The following ACSBG2 variants were observed in gnomAD, a reference collection of about 807,000 sequenced individuals.
ACSBG2 encodes long-chain-fatty-acid--CoA ligase ACSBG2.
Under a neutral mutation model 74.7 loss-of-function variants are expected in ACSBG2, and 62 were observed. The ratio of observed to expected loss-of-function variants is 0.83; its 90% confidence interval spans 0.68 to 1.03. ACSBG2 has a LOEUF of 1.03. Among genes scored for constraint, ACSBG2 ranks in the 50% least tolerant of loss-of-function variants. The probability of loss-of-function intolerance (pLI) is 0.00; values close to 1 mark genes in which losing one functional copy is unlikely to be tolerated. For missense variants in ACSBG2, 730 were observed against 817.6 expected (o/e 0.89, Z 1.31); for synonymous variants, 309 against 294.1 (o/e 1.05, Z -0.52).
Position 6,174,603 on chromosome 19 carries a change from T to C in ACSBG2, c.739-2626T>C, listed in dbSNP as rs1202526840. ...ACAGGAGGATTGCTTGAAGCCAGGA[T>C]TGTTTGAGAGAAGGCTGGGAAACAC... On this transcript the variant is annotated intron_variant, in intron 7 of 14. Transcript: ENST00000588485. This position sits in a 1 kb window ranked among gnomAD's most constrained non-coding sequence, Gnocchi z 4.2. 6.6e-6 allele frequency among the ~76,000 whole-genome samples: 1 copy of C among 152,076 alleles called. No individual in the cohort carries two copies. The highest frequency in any genetic ancestry group is 1.5e-5 in the Non-Finnish European group (1 of 68,006).
chr19:6,181,035 C>T (rs556335531), intron 8 of ACSBG2, among the ~76,000 whole-genome samples: 10 of 147,772 alleles, frequency 6.8e-5, no homozygotes, highest in South Asian at 6.4e-4. Flanking sequence ...CCGTCTCCTC[C>T]GTCTCTACTA....
intron 2 of ACSBG2, among the ~76,000 whole-genome samples, chr19:6,145,082 G>GC (rs1225847037): frequency 6.6e-6 from 1 of 152,038 alleles, no homozygotes; most frequent in Non-Finnish European, 1.5e-5. Context: ...CATCTATGAG[G>GC]CCCATGTCTA....
chr19:6,157,614 G>A lies in ACSBG2; in HGVS notation c.507+1063G>A, dbSNP rs190428703. Reference sequence around the variant, plus strand: ...TTTTTTTTTGTAGAGACAGAGTCTTGCTATGTTGCCCAGGCTGCTGTTGAA... The same window carrying A: ...TTTTTTTTTGTAGAGACAGAGTCTTACTATGTTGCCCAGGCTGCTGTTGAA... On this transcript the variant is annotated intron_variant, in intron 5 of 14. Coordinates refer to ENST00000588485, the MANE Select transcript of ACSBG2 (RefSeq NM_030924.5). Among the ~76,000 whole-genome samples, 134 of 151,926 alleles carry A rather than the reference G, an allele frequency of 8.8e-4. 1 individual carries two copies. The highest frequency in any genetic ancestry group is 3.1e-3 in the African/African-American group (128 of 41,454).
At chr19:6,175,107 G>A (rs2145195125) in intron 7 of ACSBG2, among the ~76,000 whole-genome samples, 1 of 152,264 alleles carries the variant, frequency 6.6e-6, no homozygotes, top group Admixed American at 6.5e-5. Flanking sequence ...TACACAACAA[G>A]CCCCTTCTCT....
chr19:6,154,408 G>GAT (rs1338249460), intron 4 of ACSBG2, among the ~76,000 whole-genome samples: 7 of 84,760 alleles, frequency 8.3e-5, no homozygotes, highest in South Asian at 8.7e-4. Flanking sequence ...CAAAAAGAGA[G>GAT]AGAGAGAGAG....
In ACSBG2 at chr19:6,156,517, T is replaced by C. The variant is rs774632038; in HGVS notation, c.473T>C (p.Val158Ala). The part of the protein sequence containing the change: ...ITHAKVNILL[V>A]ENDQQLQKIL... ...CATGCCAAAGTGAACATCTTGCTGG[T>C]TGAGAATGATCAACAGTTACAGAAA... The change falls in exon 5 of 15, where the codon GTT becomes GCT. Residue 158 changes from valine (V) to alanine (A), a missense_variant. Physicochemically the swap from Val to Ala is moderately conservative, Grantham distance 64. Transcript: ENST00000588485. The C allele has an allele frequency of 1.3e-6, 2 of 1,592,714 alleles. No individual in the cohort carries two copies. Among genetic ancestry groups the C allele is most frequent in the East Asian group, 4.6e-5 (2 of 43,366 alleles).
rs1367026087 is a variant in ACSBG2 at position 6,161,221 on chromosome 19, C to T, written c.514C>T (p.Gln172Ter). 3.1e-6 allele frequency: 5 copies of T among 1,613,086 alleles called. No individual in the cohort carries two copies. The highest frequency in any genetic ancestry group is 1.7e-5 in the Admixed American group (1 of 59,946). The stretch of plus-strand genomic sequence containing the variant: ...ACAGGGAACTTTCTTTCAGATTCCA[C>T]AGAGCAGCCTAGAGCCCCTAAAAGC... ...QQLQKILSIP[Q>*]SSLEPLKAII... Residue 172 changes from glutamine to a stop codon, truncating the protein, a stop_gained, in exon 6 of 15, where the codon CAG (glutamine) becomes TAG (stop). Coordinates refer to ENST00000588485, the MANE Select transcript of ACSBG2 (RefSeq NM_030924.5). LOFTEE classifies it high-confidence loss of function.
intron 14 of ACSBG2, chr19:6,191,129 A>T (rs1182391725): frequency 6.3e-6 from 1 of 158,908 alleles, no homozygotes; most frequent in Non-Finnish European, 1.4e-5. Flanking sequence ...TACACAGATA[A>T]TAAGGGATGG....
rs1249611665 is a variant in ACSBG2, at chr19:6,185,418, G to A, written c.1323-18G>A. 1.9e-6 allele frequency: 3 copies of A among 1,613,644 alleles called. No homozygotes were observed. Among genetic ancestry groups the A allele is most frequent in the Admixed American group, 3.3e-5 (2 of 60,020 alleles). The stretch of plus-strand genomic sequence containing the variant: ...TTTGTCCCTATGAGCCTGTTTCTCT[G>A]CTTCTGTCCCCTGGCAGCTGTGGCA... On this transcript the variant is annotated intron_variant, in intron 10 of 14. Coordinates refer to ENST00000588485, the MANE Select transcript of ACSBG2 (RefSeq NM_030924.5).
At chr19:6,154,211 G>A (rs1443912580) in intron 4 of ACSBG2, among the ~76,000 whole-genome samples, 1 of 151,484 alleles carries the variant, frequency 6.6e-6, no homozygotes, top group Non-Finnish European at 1.5e-5. Context: ...TGACCAGCAT[G>A]TAGAAACTCT....
chr19:6,155,101 G>C (rs1425904431), intron 4 of ACSBG2, among the ~76,000 whole-genome samples: 1 of 152,096 alleles, frequency 6.6e-6, no homozygotes, highest in African/African-American at 2.4e-5. Flanking sequence ...ATTATAATGT[G>C]CCTCATTCCC....
intron 3 of ACSBG2, among the ~76,000 whole-genome samples, 172 bp downstream of exon 3, chr19:6,147,847 G>A (rs549380931): frequency 2.0e-5 from 3 of 151,666 alleles, no homozygotes; most frequent in Admixed American, 6.6e-5. Flanking sequence ...CTGTGGAAGC[G>A]GTCACCATTG....
chr19:6,157,563 AAAAC>A (rs1404913108), intron 5 of ACSBG2, among the ~76,000 whole-genome samples: 2 of 151,986 alleles, frequency 1.3e-5, no homozygotes, highest in Non-Finnish European at 2.9e-5. Flanking sequence ...ACCCTGTCTC[AAAAC>A]AAACAAACAA....
In ACSBG2 at chr19:6,165,845, G is replaced by A. The variant is rs373413153; in HGVS notation, c.589-21G>A. The stretch of plus-strand genomic sequence containing the variant: ...ACTCCCGACTGCCTTCTCATCCTCC[G>A]CTTGTCTTTTCTGTCCACAGTGGGA... On this transcript the variant is annotated intron_variant, in intron 6 of 14. Coordinates refer to ENST00000588485, the MANE Select transcript of ACSBG2 (RefSeq NM_030924.5). The A allele has an allele frequency of 1.8e-5, 29 of 1,613,168 alleles. No individual in the cohort carries two copies. The East Asian group carries it at 3.1e-4, about 17-fold the overall frequency.
rs202054207 is a variant in ACSBG2, at chr19:6,187,378, G to A, written c.1636G>A (p.Val546Ile). ...CCCCATCATCAGTAACGCCATGTTA[G>A]TAGGAGATAAACTGAAGTTTCTGAG... ...KIPIISNAMLVGDKLKFLSML... is the reference protein window; with the variant it reads ...KIPIISNAMLIGDKLKFLSML... The change falls in exon 12 of 15, where the codon GTA (valine) becomes ATA (isoleucine). Residue 546 changes from valine to isoleucine, a missense_variant. By Grantham distance (29) the Val-to-Ile change is conservative. Coordinates refer to ENST00000588485, the MANE Select transcript of ACSBG2 (RefSeq NM_030924.5). The A allele has an allele frequency of 1.9e-6, 3 of 1,614,156 alleles. No homozygotes were observed. In the African/African-American group the frequency reaches 4.0e-5, roughly 22 times the overall value.
rs531514034 is a variant in ACSBG2 at position 6,172,559 on chromosome 19, G to A, written c.739-4670G>A. 3.9e-5 allele frequency among the ~76,000 whole-genome samples: 6 copies of A among 152,266 alleles called. No homozygotes were observed. In the South Asian group the frequency reaches 1.2e-3, roughly 32 times the overall value. On this transcript the variant is annotated intron_variant, in intron 7 of 14. Transcript: ENST00000588485. ...CTGTGCAGTGGCTAAGGTCTGTATG[G>A]GTTCCATGGTTGTGGACAGCTTCTA...
In ACSBG2 at chr19:6,180,099, T is replaced by C. The variant is rs973227475; in HGVS notation, c.907-2652T>C. ...TCTTCACAGCCAGCAGTGCAGCCTC[T>C]TCCCCTCTCCTGCTTCCCTCTTATA... On this transcript the variant is annotated intron_variant, in intron 8 of 14. Transcript: ENST00000588485. The surrounding 1 kb of genome is among the most constrained non-coding windows in gnomAD (Gnocchi z 4.3). Among the ~76,000 whole-genome samples the C allele has an allele frequency of 2.0e-5, 3 of 150,782 alleles. No individual in the cohort carries two copies. Among genetic ancestry groups the C allele is most frequent in the African/African-American group, 7.4e-5 (3 of 40,318 alleles).
intron 7 of ACSBG2, among the ~76,000 whole-genome samples, chr19:6,167,918 AC>A (rs1199878866): frequency 6.6e-6 from 1 of 151,820 alleles, no homozygotes; most frequent in African/African-American, 2.4e-5. Flanking sequence ...GCTCCCCTGG[AC>A]CTGTGTGGTT....
chr19:6,161,417 C>G, intron 6 of ACSBG2, 122 bp downstream of exon 6: 2 of 850,702 alleles, frequency 2.4e-6, no homozygotes, highest in Non-Finnish European at 3.7e-6. Context: ...TGGGAACTCT[C>G]AAAGGAAGTA....
Sources: allele counts gnomAD v4.1 joint callset (sites outside exome capture counted in the v4.1 genomes callset), GRCh38; gene constraint gnomAD v4.1.1; non-coding constraint Gnocchi (gnomAD v3.1); transcripts MANE v1.5; gene names NCBI Gene and HGNC (gene_info 2026-07-23, HGNC 2026-07-21).